Variants in RORA observed in about 807,000 individuals in gnomAD.
RORA encodes the protein nuclear receptor ROR-alpha.
RORA carries 7 observed loss-of-function variants against 69.5 expected under a neutral mutation model. The ratio of observed to expected loss-of-function variants is 0.10; its 90% confidence interval spans 0.06 to 0.19. The LOEUF (loss-of-function observed/expected upper bound fraction) is 0.19. Among genes scored for constraint, RORA ranks in the 10% least tolerant of loss-of-function variants. The pLI, the probability that RORA is intolerant of heterozygous loss-of-function variation, is 1.00. For missense variants in RORA, 457 were observed against 663.0 expected (o/e 0.69, Z 3.41); for synonymous variants, 261 against 240.8 (o/e 1.08, Z -0.78).
chr15:60,790,277 T>C (rs1277543590), intron 1 of RORA, among the ~76,000 whole-genome samples: 1 of 152,198 alleles, frequency 6.6e-6, no homozygotes, highest in East Asian at 1.9e-4. Context: ...GAGTGGAGCC[T>C]GAGAATTTGT....
chr15:61,077,771 A>T lies in RORA; in HGVS notation c.166+151282T>A, dbSNP rs373330434. Among the ~76,000 whole-genome samples, 5 of 151,884 alleles carry T rather than the reference A, an allele frequency of 3.3e-5. No homozygotes were observed. The East Asian group carries it at 9.6e-4, about 29-fold the overall frequency. ...TAATTCTTTATAAGTCTCCCATCTC[A>T]CTCCATCCAGAAGCATCTCTTCTTC... is the stretch of plus-strand genomic sequence containing the variant. On this transcript the variant is annotated intron_variant, in intron 1 of 10. Coordinates refer to ENST00000335670, the MANE Select transcript of RORA (RefSeq NM_134261.3).
intron 1 of RORA, among the ~76,000 whole-genome samples, chr15:61,164,132 G>C (rs983420303): frequency 7.3e-5 from 11 of 151,244 alleles, no homozygotes; most frequent in African/African-American, 2.5e-4. Context: ...AGGTGTCTCA[G>C]TGGCCTGTAT....
chr15:61,025,744 T>C lies in RORA; in HGVS notation c.166+203309A>G, dbSNP rs16943546. ...AAAGAATTAGTGCAGAAAAATTAAA[T>C]GAGTGGATGAAGAAAAAAGTTTGGA... is the stretch of plus-strand genomic sequence containing the variant. On this transcript the variant is annotated intron_variant, in intron 1 of 10. Transcript: ENST00000335670. 8.4e-3 allele frequency among the ~76,000 whole-genome samples: 1,279 copies of C among 152,258 alleles called. 18 individuals are homozygous for C. Among genetic ancestry groups the C allele is most frequent in the African/African-American group, 0.03 (1,233 of 41,548 alleles).
At chr15:61,047,559 T>C (rs1595915885) in intron 1 of RORA, among the ~76,000 whole-genome samples, 2 of 152,288 alleles carry the variant, frequency 1.3e-5, no homozygotes, top group East Asian at 3.9e-4. Context: ...TCTTCCCTTG[T>C]TCTTGAGACA....
At chr15:60,945,672 G>C (rs1430130952) in intron 1 of RORA, among the ~76,000 whole-genome samples, 3 of 152,198 alleles carry the variant, frequency 2.0e-5, no homozygotes, top group Non-Finnish European at 4.4e-5. Context: ...CTGTACTTTG[G>C]AAAAGGGAAA....
intron 1 of RORA, among the ~76,000 whole-genome samples, chr15:60,752,832 G>A (rs1049016328): frequency 3.9e-5 from 6 of 152,096 alleles, no homozygotes; most frequent in Non-Finnish European, 5.9e-5. Flanking sequence ...GTCTGTCTGT[G>A]GGAGAAAGAA....
At chr15:60,699,711 C>G (rs1265941297) in intron 1 of RORA, among the ~76,000 whole-genome samples, 2 of 152,096 alleles carry the variant, frequency 1.3e-5, no homozygotes, top group Non-Finnish European at 2.9e-5. Flanking sequence ...ATATTTAACA[C>G]TTTCTGTAAC....
At chr15:61,164,292 C>T (rs1216447663) in intron 1 of RORA, among the ~76,000 whole-genome samples, 1 of 152,218 alleles carries the variant, frequency 6.6e-6, no homozygotes, top group Non-Finnish European at 1.5e-5. Context: ...AAATTACCAG[C>T]AGCGGCTGGC....
At chr15:61,004,377 TG>T (rs1444244080) in intron 1 of RORA, among the ~76,000 whole-genome samples, 3 of 99,448 alleles carry the variant, frequency 3.0e-5, no homozygotes, top group East Asian at 5.2e-4. Context: ...GGAGTCTGAA[TG>T]TTTTTTTTTT....
chr15:60,537,643 A>G lies in RORA; in HGVS notation c.197-5792T>C, dbSNP rs575897392. ...ATGTTCCATAGCACAGGCATGTTCA[A>G]TGGCCATCAGGGATGAGTAGAGCCG... On this transcript the variant is annotated intron_variant, in intron 2 of 10. Transcript: ENST00000335670. The surrounding 1 kb of genome is among the most constrained non-coding windows in gnomAD (Gnocchi z 4.9). Among the ~76,000 whole-genome samples the G allele has an allele frequency of 5.9e-5, 9 of 152,362 alleles. No individual in the cohort carries two copies. The highest frequency in any genetic ancestry group is 1.7e-4 in the African/African-American group (7 of 41,594).
intron 1 of RORA, among the ~76,000 whole-genome samples, chr15:61,122,854 T>G (rs2079115394): frequency 6.6e-6 from 1 of 152,174 alleles, no homozygotes; most frequent in African/African-American, 2.4e-5. Context: ...AGATAAGGCT[T>G]CTTGCCTGTG....
intron 5 of RORA, 152 bp from the exon 6 acceptor site, chr15:60,505,781 G>A (rs2065480734): frequency 1.1e-6 from 1 of 894,388 alleles, no homozygotes. Context: ...ATTTGGAACT[G>A]TTTTGTATTT....
intron 8 of RORA, among the ~76,000 whole-genome samples, chr15:60,502,341 G>C (rs2065356732): frequency 6.6e-6 from 1 of 152,080 alleles, no homozygotes; most frequent in Non-Finnish European, 1.5e-5. Flanking sequence ...TTATTTCTTT[G>C]ATATCTGCAT....
At chr15:61,170,541 G>A (rs991619569) in intron 1 of RORA, among the ~76,000 whole-genome samples, 1 of 152,174 alleles carries the variant, frequency 6.6e-6, no homozygotes, top group African/African-American at 2.4e-5. Context: ...GTGCAAGGTC[G>A]CTTTCCATGC....
chr15:60,895,283 C>T (rs1208994456), intron 1 of RORA, among the ~76,000 whole-genome samples: 3 of 152,254 alleles, frequency 2.0e-5, no homozygotes, highest in Admixed American at 1.3e-4. Flanking sequence ...ATCGGATTCA[C>T]TTGCTATTTT....
chr15:60,647,525 G>A (rs1248396794), intron 2 of RORA, among the ~76,000 whole-genome samples: 1 of 152,192 alleles, frequency 6.6e-6, no homozygotes, highest in Non-Finnish European at 1.5e-5. Flanking sequence ...AAGCACAACT[G>A]GTCCCAAGGC....
At chr15:60,680,266 G>C (rs919199895) in intron 1 of RORA, among the ~76,000 whole-genome samples, 2 of 152,140 alleles carry the variant, frequency 1.3e-5, no homozygotes, top group Admixed American at 6.6e-5. Flanking sequence ...TGCTTAGGCT[G>C]TCTCTCCTGA....
chr15:60,727,417 C>T (rs1006463885), intron 1 of RORA, among the ~76,000 whole-genome samples: 11 of 152,156 alleles, frequency 7.2e-5, no homozygotes, highest in African/African-American at 2.2e-4. Context: ...TAGTTCTTAA[C>T]GTTTCCAGAC....
At chr15:60,581,349 C>A (rs145842423) in intron 2 of RORA, among the ~76,000 whole-genome samples, 6 of 152,150 alleles carry the variant, frequency 3.9e-5, no homozygotes, top group African/African-American at 1.4e-4. Context: ...TTCTGTTTTA[C>A]GAGATTTTGC....
Sources: allele counts gnomAD v4.1 joint callset (sites outside exome capture counted in the v4.1 genomes callset), GRCh38; gene constraint gnomAD v4.1.1; non-coding constraint Gnocchi (gnomAD v3.1); transcripts MANE v1.5; gene names NCBI Gene and HGNC (gene_info 2026-07-23, HGNC 2026-07-21).